SPOCK3: variants seen among roughly 807,000 people sequenced by gnomAD.
SPOCK3 encodes SPARC (osteonectin), cwcv and kazal like domains proteoglycan 3, also known as testican-3.
In SPOCK3, 30 loss-of-function variants were observed where a neutral mutation model predicts 56.6. The observed-to-expected ratio is 0.53, with a 90% CI of 0.40 to 0.72. SPOCK3 has a LOEUF of 0.72. Ranked by LOEUF, SPOCK3 falls within the 30% of genes least tolerant of loss-of-function variation. The pLI, the probability that SPOCK3 is intolerant of heterozygous loss-of-function variation, is 0.00. For missense variants in SPOCK3, 527 were observed against 530.0 expected (o/e 0.99, Z 0.06); for synonymous variants, 196 against 183.3 (o/e 1.07, Z -0.56).
chr4:167,091,905 T>TG (rs1218726558), intron 2 of SPOCK3, among the ~76,000 whole-genome samples: 3 of 152,102 alleles, frequency 2.0e-5, no homozygotes, highest in Admixed American at 1.3e-4. Context: ...AGGCAGTAAG[T>TG]GAAAAAATGG....
intron 3 of SPOCK3, among the ~76,000 whole-genome samples, chr4:167,018,948 T>C (rs767043345): frequency 6.6e-6 from 1 of 152,032 alleles, no homozygotes; most frequent in Non-Finnish European, 1.5e-5. Context: ...GAATCACCAC[T>C]AGTTCTCAAG....
At chr4:167,022,303 C>G (rs1751265516) in intron 3 of SPOCK3, among the ~76,000 whole-genome samples, 1 of 152,030 alleles carries the variant, frequency 6.6e-6, no homozygotes, top group African/African-American at 2.4e-5. Flanking sequence ...CTTTTGCCAT[C>G]AACTGTTCTG....
At chr4:167,069,694 G>T (rs187917630) in intron 2 of SPOCK3, among the ~76,000 whole-genome samples, 1 of 152,020 alleles carries the variant, frequency 6.6e-6, no homozygotes, top group Admixed American at 6.6e-5. Context: ...ACAATCCCTT[G>T]TTCACAGGAT....
chr4:167,028,430 A>C (rs1193195489), intron 3 of SPOCK3, among the ~76,000 whole-genome samples: 1 of 151,922 alleles, frequency 6.6e-6, no homozygotes, highest in African/African-American at 2.4e-5. Context: ...CATGTGTACT[A>C]TTGAAATGAA....
At chr4:166,899,206 T>A (rs1735740616) in intron 5 of SPOCK3, among the ~76,000 whole-genome samples, 1 of 151,836 alleles carries the variant, frequency 6.6e-6, no homozygotes, top group South Asian at 2.1e-4. Flanking sequence ...TTAGCCTCCA[T>A]TACCACGTGA....
rs755972066 is a variant in SPOCK3, at chr4:166,754,545, A to C, written c.894T>G (p.Ser298=). Reference sequence around the variant, plus strand: ...GGAAGCAGTAGCACCACTCATTATTAGATATTAAACTGTCCTTGTATGTGT... The same window carrying C: ...GGAAGCAGTAGCACCACTCATTATTCGATATTAAACTGTCCTTGTATGTGT... The part of the protein sequence containing the change: ...SCDTYKDSLI[S]NNEWCYCFQR... Residue 298 remains serine (S), a synonymous_variant, in exon 8 of 11, where the codon TCT becomes TCG. Transcript: ENST00000357545. 7.8e-5 allele frequency: 126 copies of C among 1,613,406 alleles called. No homozygotes were observed. In the South Asian group the frequency reaches 1.2e-3, roughly 15 times the overall value.
At chr4:167,102,507 A>C (rs1759737813) in intron 2 of SPOCK3, 1 of 151,922 alleles carries the variant, frequency 6.6e-6, no homozygotes, top group South Asian at 2.1e-4. Context: ...TGCTTATACT[A>C]CTCCTCCCCC....
In SPOCK3 at chr4:166,889,188, T is replaced by C; in HGVS notation, c.531A>G (p.Glu177=). Residue 177 remains glutamate (E), a synonymous_variant, in exon 6 of 11, where the codon GAA becomes GAG. Coordinates refer to ENST00000357545, the MANE Select transcript of SPOCK3 (RefSeq NM_001040159.2). ...VLGKQISVKC[E]GHCPCPSDKP... ...TATCTGAAGGACATGGGCAATGTCC[T>C]TCACATTTGACTGAGATCTGTTTTC... The C allele has an allele frequency of 6.2e-7, 1 of 1,612,442 alleles. No individual in the cohort carries two copies. The highest frequency in any genetic ancestry group is 8.5e-7 in the Non-Finnish European group (1 of 1,178,912).
intron 2 of SPOCK3, among the ~76,000 whole-genome samples, chr4:167,125,690 C>T (rs991077860): frequency 6.6e-6 from 1 of 151,822 alleles, no homozygotes; most frequent in Non-Finnish European, 1.5e-5. Context: ...ACTCCAGCCC[C>T]GGCAGCAGAG....
chr4:166,994,096 T>C (rs1748099376), intron 4 of SPOCK3, among the ~76,000 whole-genome samples: 1 of 151,826 alleles, frequency 6.6e-6, no homozygotes, highest in Admixed American at 6.6e-5. Context: ...AGAAACGGAG[T>C]CTGCCAGAAG....
At chr4:166,882,127 T>C (rs899989368) in intron 6 of SPOCK3, among the ~76,000 whole-genome samples, 3 of 152,204 alleles carry the variant, frequency 2.0e-5, no homozygotes, top group Admixed American at 2.0e-4. Context: ...GAATGGCATG[T>C]GGTTTCTACA....
At chr4:167,094,763 T>C (rs1325285933) in intron 2 of SPOCK3, among the ~76,000 whole-genome samples, 1 of 152,184 alleles carries the variant, frequency 6.6e-6, no homozygotes, top group Non-Finnish European at 1.5e-5. Context: ...GATTCATATG[T>C]ATTTTCTATA....
At chr4:166,855,347 G>C (rs1050041506) in intron 6 of SPOCK3, among the ~76,000 whole-genome samples, 2 of 152,082 alleles carry the variant, frequency 1.3e-5, no homozygotes, top group East Asian at 1.9e-4. Flanking sequence ...AAACCAAAGA[G>C]AGCAGAGAGA....
At chr4:167,179,172 C>A (rs2110735919) in intron 2 of SPOCK3, among the ~76,000 whole-genome samples, 1 of 152,210 alleles carries the variant, frequency 6.6e-6, no homozygotes, top group East Asian at 1.9e-4. Flanking sequence ...TGGATATAGG[C>A]CCTGATTAGA....
chr4:166,890,955 T>A (rs1268783871), intron 5 of SPOCK3, among the ~76,000 whole-genome samples: 2 of 152,070 alleles, frequency 1.3e-5, no homozygotes, highest in Non-Finnish European at 2.9e-5. Flanking sequence ...GGTACTCATA[T>A]ATTTAGGATA....
intron 6 of SPOCK3, among the ~76,000 whole-genome samples, chr4:166,802,638 A>G (rs917482091): frequency 6.6e-6 from 1 of 152,118 alleles, no homozygotes; most frequent in Non-Finnish European, 1.5e-5. Context: ...ACCTCCTGGT[A>G]CCATCGGCTT....
intron 3 of SPOCK3, among the ~76,000 whole-genome samples, chr4:167,036,694 G>A (rs977282395): frequency 6.6e-6 from 1 of 151,944 alleles, no homozygotes; most frequent in Non-Finnish European, 1.5e-5. Flanking sequence ...AAACAAAAAT[G>A]AACAGCTACT....
rs1741727129 is a variant in SPOCK3, at chr4:166,946,176, TACTCTCCAAACCCCC to T, written c.351-33448_351-33434del. Among the ~76,000 whole-genome samples the T allele has an allele frequency of 5.8e-4, 89 of 152,276 alleles. 3 individuals carry two copies. The South Asian group carries it at 0.018, about 30-fold the overall frequency. On this transcript the variant is annotated intron_variant, in intron 4 of 10. Coordinates refer to ENST00000357545, the MANE Select transcript of SPOCK3 (RefSeq NM_001040159.2). ...TGTCCCAGTTTGGAGAGTAATAACTTACTCTCCAAACCCCCACATCTTACAATATGTTCTTGATAC... is the reference window on the plus strand; with the variant it reads ...TGTCCCAGTTTGGAGAGTAATAACTTACATCTTACAATATGTTCTTGATAC...
chr4:166,754,704 A>G lies in SPOCK3; in HGVS notation c.735T>C (p.Ile245=). 2 of 1,613,568 alleles carry G rather than the reference A, an allele frequency of 1.2e-6. No individual in the cohort carries two copies. Residue 245 remains isoleucine, a synonymous_variant, in exon 8 of 11, where the codon ATT becomes ATC. Transcript: ENST00000357545. ...RSRFDTSILP[I]CKDSLGWMFN... is the part of the protein sequence containing the mutation. The stretch of plus-strand genomic sequence containing the variant: ...ACATCCAGCCAAGTGAGTCCTTGCA[A>G]ATTGGCAAGATGCTGGTATCGAATC...
Sources: allele counts gnomAD v4.1 joint callset (sites outside exome capture counted in the v4.1 genomes callset), GRCh38; gene constraint gnomAD v4.1.1; transcripts MANE v1.5; gene names NCBI Gene and HGNC (gene_info 2026-07-23, HGNC 2026-07-21).